The following GRIP1 variants were observed in gnomAD, a reference collection of about 807,000 sequenced individuals.
The protein encoded by GRIP1 is glutamate receptor interacting protein 1, also known as glutamate receptor-interacting protein 1.
GRIP1 carries 45 observed loss-of-function variants against 129.9 expected under a neutral mutation model. The ratio of observed to expected loss-of-function variants is 0.35; its 90% CI spans 0.27 to 0.44. The LOEUF (loss-of-function observed/expected upper bound fraction) is 0.44. Among genes scored for constraint, GRIP1 ranks in the 20% least tolerant of loss-of-function variants. The pLI, the probability that GRIP1 is intolerant of heterozygous loss-of-function variation, is 1.00. For synonymous variants in GRIP1, 530 were observed against 520.8 expected (o/e 1.02, Z -0.24); for missense variants, 1,196 against 1,396.8 (o/e 0.86, Z 2.29).
At chr12:66,472,345 G>A (rs2059462037) in intron 7 of GRIP1, among the ~76,000 whole-genome samples, 1 of 152,216 alleles carries the variant, frequency 6.6e-6, no homozygotes, top group Non-Finnish European at 1.5e-5. Context: ...CCCATGCCAA[G>A]AAGGTGGGGA....
chr12:66,636,264 G>A (rs990263905), intron 1 of GRIP1, among the ~76,000 whole-genome samples: 40 of 152,120 alleles, frequency 2.6e-4, no homozygotes, highest in African/African-American at 8.9e-4. Flanking sequence ...GAGAGGGAAC[G>A]GGGAGTTATT....
intron 1 of GRIP1, among the ~76,000 whole-genome samples, chr12:66,746,385 T>C (rs1042853510): frequency 3.3e-5 from 5 of 152,208 alleles, no homozygotes; most frequent in African/African-American, 1.2e-4. Context: ...GGAAGTTTGT[T>C]AGAAATGCAG....
In GRIP1 at chr12:66,800,559, A is replaced by G. The variant is rs192382985; in HGVS notation, c.-420+3494T>C. Among the ~76,000 whole-genome samples the G allele has an allele frequency of 2.6e-4, 40 of 152,284 alleles. 1 individual carries two copies. Among genetic ancestry groups the G allele is most frequent in the Admixed American group, 1.3e-4 (2 of 15,280 alleles). On this transcript the variant is annotated intron_variant, in intron 1 of 4. Coordinates refer to the GRIP1 transcript ENST00000538373. ...TTATCTGTCTTATAGCTGGAATATT[A>G]TCCGGTGTGGCTAAATAAAAATACA...
At chr12:66,362,391 G>C (rs895096970) in intron 23 of GRIP1, among the ~76,000 whole-genome samples, 1 of 149,182 alleles carries the variant, frequency 6.7e-6, no homozygotes, top group African/African-American at 2.6e-5. Flanking sequence ...AACCTCAAAT[G>C]ATCCACCCGC....
chr12:66,488,309 T>C (rs781609844), intron 7 of GRIP1, among the ~76,000 whole-genome samples: 4 of 152,130 alleles, frequency 2.6e-5, no homozygotes, highest in Non-Finnish European at 4.4e-5. Flanking sequence ...TTAGAACTCA[T>C]ATTAAGATAT....
chr12:66,583,508 T>A (rs2063488910), intron 2 of GRIP1, among the ~76,000 whole-genome samples: 1 of 128,056 alleles, frequency 7.8e-6, no homozygotes, highest in African/African-American at 2.9e-5. Context: ...AACCTACTCA[T>A]CTGACAAAGG....
In GRIP1 at chr12:66,393,052, G is replaced by A. The variant is rs1442799630; in HGVS notation, c.2130-236C>T. The stretch of plus-strand genomic sequence containing the variant: ...TTAATTAGTTATTAAAATGAACTGT[G>A]TTTTTTAATTCCAAGAAAGCTGAGT... On this transcript the variant is annotated intron_variant, in intron 17 of 24. Transcript: ENST00000359742. Among the ~76,000 whole-genome samples the A allele has an allele frequency of 4.7e-5, 7 of 150,070 alleles. No homozygotes were observed. In the Admixed American group the frequency reaches 4.7e-4, roughly 10 times the overall value.
Position 66,537,629 on chromosome 12 carries a change from C to T in GRIP1, c.418+1449G>A, listed in dbSNP as rs554846514. 5.3e-5 allele frequency among the ~76,000 whole-genome samples: 8 copies of T among 152,044 alleles called. No individual in the cohort carries two copies. The South Asian group carries it at 8.3e-4, about 16-fold the overall frequency. Reference sequence around the variant, plus strand: ...TATAAAACATACTAAATATGCTTTTCCTAAACCTAGTCACTAAGTACAAAA... The same window carrying T: ...TATAAAACATACTAAATATGCTTTTTCTAAACCTAGTCACTAAGTACAAAA... On this transcript the variant is annotated intron_variant, in intron 4 of 24. Transcript: ENST00000359742.
intron 1 of GRIP1, among the ~76,000 whole-genome samples, chr12:66,855,968 T>C (rs35916480): frequency 0.29 from 43,464 of 151,146 alleles, 6,989 homozygotes; most frequent in East Asian, 0.41. Context: ...TCAGAGTTTT[T>C]CTAAATAATA....
intron 14 of GRIP1, among the ~76,000 whole-genome samples, chr12:66,428,875 G>A (rs547560462): frequency 2.6e-5 from 4 of 152,270 alleles, no homozygotes; most frequent in East Asian, 1.9e-4. Flanking sequence ...ATCAGGATTC[G>A]CTGACTCGAA....
intron 1 of GRIP1, among the ~76,000 whole-genome samples, chr12:67,036,765 T>C (rs527987638): frequency 6.6e-6 from 1 of 152,218 alleles, no homozygotes; most frequent in South Asian, 2.1e-4. Flanking sequence ...AACCTACCCA[T>C]CCATGGCTTC....
intron 1 of GRIP1, among the ~76,000 whole-genome samples, chr12:66,925,176 G>A (rs1237656035): frequency 6.6e-6 from 1 of 152,090 alleles, no homozygotes; most frequent in African/African-American, 2.4e-5. Flanking sequence ...GAAACAACAC[G>A]AAAAGAATTT....
intron 1 of GRIP1, among the ~76,000 whole-genome samples, chr12:66,602,906 T>C (rs1385145579): frequency 7.4e-6 from 1 of 134,616 alleles, no homozygotes; most frequent in African/African-American, 2.7e-5. Context: ...TCACCCTGCC[T>C]GGAATGCAGT....
intron 1 of GRIP1, among the ~76,000 whole-genome samples, chr12:66,827,363 G>GGT (rs34267289): frequency 0.021 from 2,948 of 137,766 alleles, 58 homozygotes; most frequent in Admixed American, 0.056. Context: ...CTCAAAACCA[G>GGT]GTGTGTGTGT....
At position 66,897,813 on chromosome 12, in the gene GRIP1, A is replaced by C. The variant is rs564299629; in HGVS notation, c.58+171237T>G. ...TACCTTTCTAATGTTTCCTTGTTCAAGATGTAAGTGTGAATCCAAACACAT... is the reference window on the plus strand; with the variant it reads ...TACCTTTCTAATGTTTCCTTGTTCACGATGTAAGTGTGAATCCAAACACAT... On this transcript the variant is annotated intron_variant, in intron 1 of 1. Transcript: ENST00000643019. 7.9e-5 allele frequency among the ~76,000 whole-genome samples: 12 copies of C among 152,322 alleles called. 2 individuals are homozygous for C. The South Asian group carries it at 1.5e-3, about 18-fold the overall frequency.
chr12:66,852,399 A>T (rs1399273259), intron 1 of GRIP1, among the ~76,000 whole-genome samples: 2 of 151,948 alleles, frequency 1.3e-5, no homozygotes, highest in Non-Finnish European at 1.5e-5. Context: ...AGATTCGAGT[A>T]GAGTATAATC....
intron 7 of GRIP1, among the ~76,000 whole-genome samples, chr12:66,475,916 G>A (rs556964598): frequency 6.6e-6 from 1 of 151,048 alleles, no homozygotes; most frequent in East Asian, 1.9e-4. Context: ...GATCTAAAAT[G>A]ACACGCTAAA....
Position 66,500,361 on chromosome 12 carries a change from C to T in GRIP1, c.724+15258G>A, listed in dbSNP as rs118052807. Among the ~76,000 whole-genome samples the T allele has an allele frequency of 1.3e-3, 193 of 152,242 alleles. 5 individuals are homozygous for T. The East Asian group carries it at 0.02, about 16-fold the overall frequency. On this transcript the variant is annotated intron_variant, in intron 7 of 24. Coordinates refer to ENST00000359742, the MANE Select transcript of GRIP1 (RefSeq NM_001366722.1). Reference sequence around the variant, plus strand: ...GAAACAGAAAAACATAGTAAAACCTCGGTGACAAATCATTAGGTGTTCAGT... The same window carrying T: ...GAAACAGAAAAACATAGTAAAACCTTGGTGACAAATCATTAGGTGTTCAGT...
In GRIP1 at chr12:66,603,183, A is replaced by G. The variant is rs199714243; in HGVS notation, c.56-6256T>C. On this transcript the variant is annotated intron_variant, in intron 1 of 24. Transcript: ENST00000359742. The stretch of plus-strand genomic sequence containing the variant: ...GCTTTCTTTTACTTTTGAACTTTGG[A>G]AAAAAAAAAACACCCAAACAGAGCA... Among the ~76,000 whole-genome samples the G allele has an allele frequency of 1.8e-3, 46 of 26,114 alleles. 1 individual carries two copies. The highest frequency in any genetic ancestry group is 0.012 in the African/African-American group (40 of 3,468). The allele number at this position is 26,114 out of a possible 152,430, so 17.1% of individuals were successfully genotyped here.
Sources: allele counts gnomAD v4.1 joint callset (sites outside exome capture counted in the v4.1 genomes callset), GRCh38; gene constraint gnomAD v4.1.1; transcripts MANE v1.5; gene names NCBI Gene and HGNC (gene_info 2026-07-23, HGNC 2026-07-21).